JKAMP: variants seen among roughly 807,000 people sequenced by gnomAD.
JKAMP encodes the protein JNK1/MAPK8 associated membrane protein.
JKAMP carries 20 observed loss-of-function variants against 40.2 expected under a neutral mutation model. That is an observed-to-expected ratio of 0.50 (90% CI 0.35 to 0.72). The LOEUF (loss-of-function observed/expected upper bound fraction) is 0.72. Ranked by LOEUF, JKAMP falls within the 30% of genes least tolerant of loss-of-function variation. The pLI is 0.01. For synonymous variants in JKAMP, 138 were observed against 131.6 expected (o/e 1.05, Z -0.33); for missense variants, 276 against 373.0 (o/e 0.74, Z 2.14).
intron 3 of JKAMP, among the ~76,000 whole-genome samples, chr14:59,491,819 G>A (rs947441544): frequency 2.0e-5 from 3 of 152,366 alleles, no homozygotes; most frequent in Admixed American, 2.0e-4. Context: ...TCAATTGCTG[G>A]TAGCAGCAGT....
chr14:59,486,073 C>CTT (rs1217766604), intron 1 of JKAMP: 1 of 152,124 alleles, frequency 6.6e-6, no homozygotes, highest in Non-Finnish European at 1.5e-5. Flanking sequence ...TCCCCTAAGC[C>CTT]TTTAGATCAG....
At chr14:59,488,125 TTTA>T (rs1395355620) in intron 3 of JKAMP, among the ~76,000 whole-genome samples, 1 of 152,088 alleles carries the variant, frequency 6.6e-6, no homozygotes, top group Non-Finnish European at 1.5e-5. Flanking sequence ...TTACAAGCTA[TTTA>T]TTGTTATGGA....
intron 6 of JKAMP, among the ~76,000 whole-genome samples, chr14:59,502,398 A>C (rs1778215596): frequency 6.6e-6 from 1 of 152,166 alleles, no homozygotes; most frequent in African/African-American, 2.4e-5. Context: ...CATAATTCCT[A>C]ACAGAGAAAA....
chr14:59,499,615 T>C (rs1891721803), intron 5 of JKAMP, among the ~76,000 whole-genome samples: 2 of 152,018 alleles, frequency 1.3e-5, no homozygotes, highest in Non-Finnish European at 2.9e-5. Flanking sequence ...GCTGAGAAAA[T>C]GTAGTGTGGT....
intron 6 of JKAMP, among the ~76,000 whole-genome samples, chr14:59,502,755 T>TGTTTTTTTTTTTTTTGTTTTG (rs67189643): frequency 8.1e-6 from 1 of 122,918 alleles, no homozygotes; most frequent in Non-Finnish European, 1.6e-5. Flanking sequence ...ATGAGATTTT[T>TGTTTTTTTTTTTTTTGTTTTG]TTTTTTTTTT....
intron 1 of JKAMP, chr14:59,485,228 A>G: frequency 8.5e-7 from 1 of 1,173,914 alleles, no homozygotes; most frequent in South Asian, 1.4e-5. Context: ...AGCATCTACT[A>G]GATGTAAAGC....
At chr14:59,500,290 T>C (rs2882167) in intron 5 of JKAMP, among the ~76,000 whole-genome samples, 59,311 of 152,088 alleles carry the variant, frequency 0.39, 12,326 homozygotes, top group African/African-American at 0.52. Flanking sequence ...TGCTGAATCC[T>C]GAGTTAACAT....
At chr14:59,503,444 G>A (rs1892089720) in intron 6 of JKAMP, among the ~76,000 whole-genome samples, 2 of 152,178 alleles carry the variant, frequency 1.3e-5, no homozygotes, top group Admixed American at 6.5e-5. Flanking sequence ...GGTTAAGGAG[G>A]TTGGGTTTCT....
Position 59,495,431 on chromosome 14 carries a change from G to T in JKAMP, c.458+207G>T. ...GGAATAATGATCCTTATAAGGTGTC[G>T]TGAGGATTAAATTAATCCACACATT... On this transcript the variant is annotated intron_variant, in intron 4 of 6. Transcript: ENST00000616435. The T allele has an allele frequency of 7.7e-6, 4 of 516,222 alleles. 1 individual carries two copies. 32.0% of individuals were successfully genotyped at this position (516,222 alleles called of 1,614,324 possible).
intron 3 of JKAMP, among the ~76,000 whole-genome samples, chr14:59,493,077 C>T (rs560163922): frequency 4.6e-5 from 7 of 151,970 alleles, no homozygotes; most frequent in East Asian, 1.9e-4. Context: ...GGATTACAGG[C>T]GTGAGCCACC....
At position 59,505,017 on chromosome 14, in the gene JKAMP, G is replaced by A. The variant is rs1264896073; in HGVS notation, c.*945G>A. 5.8e-6 allele frequency: 2 copies of A among 343,004 alleles called. No individual in the cohort carries two copies. The highest frequency in any genetic ancestry group is 2.1e-5 in the African/African-American group (1 of 47,486). The allele number at this position is 343,004 out of a possible 1,614,324, so 21.2% of individuals were successfully genotyped here. On this transcript the variant is annotated 3_prime_UTR_variant, in exon 7 of 7. Transcript: ENST00000616435. ...CTTAAGACTCATGGTTGCAACCATG[G>A]AAGCAAAATGAAATTTTTAGCTCTT...
Position 59,495,223 on chromosome 14 carries a change from C to T in JKAMP, c.457C>T (p.Leu153=), listed in dbSNP as rs1418500233. The T allele has an allele frequency of 6.3e-7, 1 of 1,593,672 alleles. No homozygotes were observed. The highest frequency in any genetic ancestry group is 1.1e-5 in the South Asian group (1 of 90,494). Residue 153 remains leucine (L), a splice_region_variant and synonymous_variant, in exon 4 of 7, where the codon CTA becomes TTA. Transcript: ENST00000616435. ...CTGTACTCATGAAGCCGTCTACCCA[C>T]TGTAAGTGTTTATTTCGACTTAAGA... The part of the protein sequence containing the change: ...VHCTHEAVYP[L]YTIVFIYYAF...
At chr14:59,492,779 C>CT (rs1426049485) in intron 3 of JKAMP, among the ~76,000 whole-genome samples, 2 of 150,556 alleles carry the variant, frequency 1.3e-5, no homozygotes, top group Admixed American at 6.7e-5. Context: ...AAAATAGAGA[C>CT]TATGAAGGAG....
At chr14:59,502,755 T>TGTTTTTTTTTTTTTGTTTTTG (rs67189643) in intron 6 of JKAMP, among the ~76,000 whole-genome samples, 4,604 of 122,748 alleles carry the variant, frequency 0.038, 215 homozygotes, top group Middle Eastern at 0.068. Context: ...ATGAGATTTT[T>TGTTTTTTTTTTTTTGTTTTTG]TTTTTTTTTT....
intron 3 of JKAMP, among the ~76,000 whole-genome samples, chr14:59,494,711 G>A (rs577538259): frequency 5.9e-5 from 9 of 152,040 alleles, no homozygotes; most frequent in African/African-American, 7.3e-5. Context: ...TAACAAACAC[G>A]TTACATACCA....
chr14:59,501,356 A>G lies in JKAMP; in HGVS notation c.717+89A>G, dbSNP rs974148389. On this transcript the variant is annotated intron_variant, in intron 6 of 6. Transcript: ENST00000616435. ...TAGTCCATATGATATGATATAGTAC[A>G]ACTAATTGTTTTAGTAATCTTTGGC... The G allele has an allele frequency of 2.5e-5, 20 of 786,554 alleles. No homozygotes were observed. The South Asian group carries it at 3.3e-4, about 13-fold the overall frequency. The allele number at this position is 786,554 out of a possible 1,614,324, so 48.7% of individuals were successfully genotyped here. A position where few individuals can be genotyped will look rare whatever the true frequency, so the allele number is the denominator to read the frequency against.
Position 59,504,787 on chromosome 14 carries a change from A to C in JKAMP, c.*715A>C, listed in dbSNP as rs1892221434. The C allele has an allele frequency of 6.5e-6, 1 of 152,762 alleles. No individual in the cohort carries two copies. The highest frequency in any genetic ancestry group is 1.5e-5 in the Non-Finnish European group (1 of 68,224). 9.5% of individuals were successfully genotyped at this position (152,762 alleles called of 1,614,324 possible). A position where few individuals can be genotyped will look rare whatever the true frequency, so the allele number is the denominator to read the frequency against. On this transcript the variant is annotated 3_prime_UTR_variant, in exon 7 of 7. Coordinates refer to ENST00000616435, the MANE Select transcript of JKAMP (RefSeq NM_016475.5). ...TCAAACTGGTAAATAGTTTCCTCTC[A>C]TATCTCGGGTATATATACATACCAT...
chr14:59,491,577 A>T (rs896419425), intron 3 of JKAMP, among the ~76,000 whole-genome samples: 1 of 152,208 alleles, frequency 6.6e-6, no homozygotes, highest in African/African-American at 2.4e-5. Context: ...CATCTTTGTA[A>T]AATGGCACAG....
intron 3 of JKAMP, among the ~76,000 whole-genome samples, chr14:59,489,185 C>A (rs924573810): frequency 7.1e-5 from 9 of 126,604 alleles, no homozygotes; most frequent in Non-Finnish European, 3.3e-5. Flanking sequence ...CTCCGCTTTC[C>A]TTTTTAAGTA....
Sources: gnomAD v4.1 joint callset for allele counts (sites outside exome capture counted in the v4.1 genomes callset) on GRCh38, gnomAD v4.1.1 for gene constraint, MANE v1.5 for transcripts, NCBI Gene and HGNC (gene_info 2026-07-23, HGNC 2026-07-21) for gene names.